Variants in MAN2A1 observed in about 807,000 individuals in gnomAD.
MAN2A1 encodes the protein mannosidase alpha class 2A member 1.
In MAN2A1, 76 loss-of-function variants were observed where a neutral mutation model predicts 142.6. The observed-to-expected ratio is 0.53, with a 90% CI of 0.44 to 0.65. The LOEUF (loss-of-function observed/expected upper bound fraction) is 0.65, where lower values mean the gene tolerates loss of function less well. Ranked by LOEUF, MAN2A1 falls within the 30% of genes least tolerant of loss-of-function variation. The probability of loss-of-function intolerance (pLI) is 0.00; values close to 1 mark genes in which losing one functional copy is unlikely to be tolerated. For synonymous variants in MAN2A1, 559 were observed against 473.2 expected (o/e 1.18, Z -2.35); for missense variants, 1,311 against 1,365.1 (o/e 0.96, Z 0.62).
At chr5:109,843,410 C>G (rs950217884) in intron 17 of MAN2A1, among the ~76,000 whole-genome samples, 1 of 152,176 alleles carries the variant, frequency 6.6e-6, no homozygotes, top group Non-Finnish European at 1.5e-5. Context: ...AGGTCTCTCT[C>G]TCAACACCTG....
At chr5:109,805,824 A>G (rs567452491) in intron 12 of MAN2A1, among the ~76,000 whole-genome samples, 2 of 152,340 alleles carry the variant, frequency 1.3e-5, no homozygotes, top group African/African-American at 4.8e-5. Flanking sequence ...GGAAGAGACT[A>G]CTGTGGACAA....
chr5:109,717,029 T>G (rs1751474967), intron 3 of MAN2A1, among the ~76,000 whole-genome samples: 1 of 152,128 alleles, frequency 6.6e-6, no homozygotes, highest in Admixed American at 6.5e-5. Context: ...ATTTGTTGGT[T>G]TGAGTACCCA....
chr5:109,786,368 C>T (rs1279401302), intron 10 of MAN2A1, among the ~76,000 whole-genome samples: 5 of 151,976 alleles, frequency 3.3e-5, no homozygotes, highest in Non-Finnish European at 5.9e-5. Flanking sequence ...TTTCCTACAC[C>T]GCCCACTTGC....
At chr5:109,756,151 A>G (rs1397112847) in intron 5 of MAN2A1, among the ~76,000 whole-genome samples, 1 of 152,120 alleles carries the variant, frequency 6.6e-6, no homozygotes, top group Non-Finnish European at 1.5e-5. Flanking sequence ...GAGCAGGGTC[A>G]GCTGCACCTA....
intron 8 of MAN2A1, among the ~76,000 whole-genome samples, chr5:109,780,353 C>A (rs906580144): frequency 7.2e-5 from 11 of 152,140 alleles, no homozygotes; most frequent in African/African-American, 2.7e-4. Flanking sequence ...GCCACCACAC[C>A]CGGCCAGTTG....
chr5:109,759,563 G>A (rs1752779773), intron 5 of MAN2A1, among the ~76,000 whole-genome samples: 1 of 152,114 alleles, frequency 6.6e-6, no homozygotes, highest in Admixed American at 6.6e-5. Context: ...AAACATTTGT[G>A]CACAGGTCTT....
At position 109,781,377 on chromosome 5, in the gene MAN2A1, T is replaced by G; in HGVS notation, c.1375-19T>G. On this transcript the variant is annotated intron_variant, in intron 8 of 21. Coordinates refer to ENST00000261483, the MANE Select transcript of MAN2A1 (RefSeq NM_002372.4). ...TTTAAGATAGAATGAATAATTGAAG[T>G]GCATTTTTTTAAAACTAGATACAGT... 6.9e-7 allele frequency: 1 copy of G among 1,459,824 alleles called. No individual in the cohort carries two copies. The allele number at this position is 1,459,824 out of a possible 1,614,324, so 90.4% of individuals were successfully genotyped here.
chr5:109,821,144 C>T (rs961426106), intron 15 of MAN2A1, among the ~76,000 whole-genome samples: 3 of 152,140 alleles, frequency 2.0e-5, no homozygotes, highest in Non-Finnish European at 4.4e-5. Context: ...AAAACCATTG[C>T]CAACATTTGG....
intron 4 of MAN2A1, among the ~76,000 whole-genome samples, chr5:109,749,484 A>C (rs944943190): frequency 1.3e-5 from 2 of 152,158 alleles, no homozygotes; most frequent in African/African-American, 2.4e-5. Flanking sequence ...AAGTCAACTC[A>C]GTGTAAAAAG....
At chr5:109,714,733 C>G (rs3797699) in intron 2 of MAN2A1, among the ~76,000 whole-genome samples, 58,886 of 152,012 alleles carry the variant, frequency 0.39, 12,422 homozygotes, top group African/African-American at 0.56. Flanking sequence ...TATGTACTTT[C>G]CACTAACTGC....
In MAN2A1 at chr5:109,729,414, TGAAA is replaced by T. The variant is rs1338403060; in HGVS notation, c.612_615del (p.Glu205ThrfsTer21). 1 of 1,605,644 alleles carries T rather than the reference TGAAA, an allele frequency of 6.2e-7. No individual in the cohort carries two copies. On this transcript the variant is annotated frameshift_variant, in exon 4 of 22. Transcript: ENST00000261483. LOFTEE classifies it high-confidence loss of function. ...ATTTTTAATAACATGGTCCTAAAGC[TGAAA>T]GAAGACTCACGGAGGAAGTTTATTT... is the stretch of plus-strand genomic sequence containing the variant.
rs1423144151 is a variant in MAN2A1 at position 109,868,511 on chromosome 5, G to A, written c.*1513G>A. ...GGCTTTCAACCTCCATTTACCTCTTGTCATTCCAACATCTTTATAGAGAAA... is the reference window on the plus strand; with the variant it reads ...GGCTTTCAACCTCCATTTACCTCTTATCATTCCAACATCTTTATAGAGAAA... On this transcript the variant is annotated 3_prime_UTR_variant, in exon 22 of 22. Coordinates refer to ENST00000261483, the MANE Select transcript of MAN2A1 (RefSeq NM_002372.4). The A allele has an allele frequency of 6.6e-6, 1 of 151,980 alleles. No individual in the cohort carries two copies. The allele number at this position is 151,980 out of a possible 1,614,324, so 9.4% of individuals were successfully genotyped here. A position where few individuals can be genotyped will look rare whatever the true frequency, so the allele number is the denominator to read the frequency against.
At chr5:109,819,631 A>G in intron 13 of MAN2A1, 38 bp from the exon 14 acceptor site, 1 of 1,281,110 alleles carries the variant, frequency 7.8e-7, no homozygotes, top group Admixed American at 2.4e-5. Context: ...AGTAGATAAC[A>G]TTTATCTTTA....
chr5:109,692,942 A>G (rs559595144), intron 1 of MAN2A1, among the ~76,000 whole-genome samples: 12 of 152,206 alleles, frequency 7.9e-5, no homozygotes, highest in African/African-American at 2.2e-4. Flanking sequence ...TCCTATGAGA[A>G]TCTAATGCTG....
At position 109,690,528 on chromosome 5, in the gene MAN2A1, G is replaced by A. The variant is rs765830721; in HGVS notation, c.111G>A (p.Pro37=). Residue 37 remains proline (P), a synonymous_variant, in exon 1 of 22, where the codon CCG becomes CCA. Transcript: ENST00000261483. ...GTCACTTAGACTACCCCAGGAACCC[G>A]CGCCGCGAGGGCTCCTTCCCTCAGG... The part of the protein sequence containing the change: ...DRGHLDYPRN[P]RREGSFPQGQ... The A allele has an allele frequency of 4.3e-6, 7 of 1,609,708 alleles. No homozygotes were observed. Among genetic ancestry groups the A allele is most frequent in the South Asian group, 1.1e-5 (1 of 90,440 alleles).
chr5:109,729,223 T>TA, intron 3 of MAN2A1, 119 bp from the exon 4 acceptor site: 1 of 583,932 alleles, frequency 1.7e-6, no homozygotes, highest in Non-Finnish European at 2.9e-6. Flanking sequence ...CTGTTAAATT[T>TA]AAAAATATGT....
At chr5:109,723,599 C>G (rs1375759554) in intron 3 of MAN2A1, among the ~76,000 whole-genome samples, 1 of 152,180 alleles carries the variant, frequency 6.6e-6, no homozygotes, top group Non-Finnish European at 1.5e-5. Flanking sequence ...TCTTCACACT[C>G]TTAGTACAGT....
chr5:109,781,118 G>A (rs1753444131), intron 8 of MAN2A1, among the ~76,000 whole-genome samples: 1 of 151,922 alleles, frequency 6.6e-6, no homozygotes, highest in African/African-American at 2.4e-5. Context: ...AGATATGTAG[G>A]AGTTTTCATA....
At chr5:109,818,062 T>G (rs12374452) in intron 13 of MAN2A1, among the ~76,000 whole-genome samples, 2,828 of 152,292 alleles carry the variant, frequency 0.019, 34 homozygotes, top group Middle Eastern at 0.071. Flanking sequence ...TAAACGGCAT[T>G]TCTGGAGATA....
Sources: allele counts gnomAD v4.1 joint callset (sites outside exome capture counted in the v4.1 genomes callset), GRCh38; gene constraint gnomAD v4.1.1; transcripts MANE v1.5; gene names NCBI Gene and HGNC (gene_info 2026-07-23, HGNC 2026-07-21).